The following EXOC7 variants were observed in gnomAD, a reference collection of about 807,000 sequenced individuals.
EXOC7 encodes exocyst complex component 7.
A neutral mutation model predicts 87.6 loss-of-function variants in EXOC7; 51 were observed. The observed-to-expected ratio is 0.58, with a 90% CI of 0.46 to 0.73. EXOC7 has a LOEUF of 0.73. Among genes scored for constraint, EXOC7 ranks in the 30% least tolerant of loss-of-function variants. The pLI is 0.00. For synonymous variants in EXOC7, 327 were observed against 357.1 expected, an observed-to-expected ratio of 0.92 and a Z score of 0.95; for missense variants, 744 against 888.4, an observed-to-expected ratio of 0.84 and a Z score of 2.07.
Position 76,082,109 on chromosome 17 carries a change from G to A in EXOC7, c.*1539C>T. ...AGGTGCACACCTAGGGCTGGGGTGA[G>A]GGCACGGAGGTCCAGGTGTGGGTAG... is the stretch of plus-strand genomic sequence containing the variant. On this transcript the variant is annotated 3_prime_UTR_variant, in exon 19 of 19. Coordinates refer to ENST00000589210, the MANE Select transcript of EXOC7 (RefSeq NM_001013839.4). 6.6e-7 allele frequency: 1 copy of A among 1,520,906 alleles called. No homozygotes were observed. Among genetic ancestry groups the A allele is most frequent in the South Asian group, 1.2e-5 (1 of 80,254 alleles). The allele number at this position is 1,520,906 out of a possible 1,614,324, so 94.2% of individuals were successfully genotyped here.
Position 76,083,670 on chromosome 17 carries a change from C to T in EXOC7, c.2033G>A (p.Arg678His), listed in dbSNP as rs528551097. 3.7e-6 allele frequency: 6 copies of T among 1,613,860 alleles called. No individual in the cohort carries two copies. The African/African-American group carries it at 6.7e-5, about 18-fold the overall frequency. ...GVEQVGDMIDRLFDTSA is the reference protein window; with the variant it reads ...GVEQVGDMIDHLFDTSA ...GGCTCAGGCAGAGGTGTCGAAAAGGCGATCGATCATGTCGCCCACCTGCTC... is the reference window on the plus strand; with the variant it reads ...GGCTCAGGCAGAGGTGTCGAAAAGGTGATCGATCATGTCGCCCACCTGCTC... The change falls in exon 19 of 19, where the codon CGC becomes CAC. Residue 678 changes from arginine (R) to histidine (H), a missense_variant. By Grantham distance (29) the Arg-to-His change is conservative (BLOSUM62 0). Around this residue, in one of 3 missense-constraint regions of EXOC7, gnomAD observed 228 missense variants for 298.6 expected, o/e 0.76. Coordinates refer to ENST00000589210, the MANE Select transcript of EXOC7 (RefSeq NM_001013839.4).
intron 12 of EXOC7, chr17:76,086,798 C>T (rs2067232316): frequency 1.3e-6 from 2 of 1,507,842 alleles, no homozygotes; most frequent in Admixed American, 2.0e-5. Flanking sequence ...CCCCAGGGAA[C>T]CTCACCCACC....
intron 7 of EXOC7, 108 bp from the exon 8 acceptor site, chr17:76,089,428 G>A: frequency 7.2e-7 from 1 of 1,380,148 alleles, no homozygotes; most frequent in Non-Finnish European, 1.0e-6. Flanking sequence ...ACTGGCAGAG[G>A]ATGGGGAAGA....
Position 76,081,279 on chromosome 17 carries a change from G to A in EXOC7, c.*2369C>T, listed in dbSNP as rs755903885. 48 of 1,613,604 alleles carry A rather than the reference G, an allele frequency of 3.0e-5. No individual in the cohort carries two copies. In the South Asian group the frequency reaches 4.1e-4, roughly 14 times the overall value. Reference sequence around the variant, plus strand: ...ATAGTTCTCATTCCCACCCCTCAGCGATGGAGTTAGAGTTCCAGGCCCACG... The same window carrying A: ...ATAGTTCTCATTCCCACCCCTCAGCAATGGAGTTAGAGTTCCAGGCCCACG... On this transcript the variant is annotated 3_prime_UTR_variant, in exon 19 of 19. Transcript: ENST00000589210.
chr17:76,083,794 C>G, intron 18 of EXOC7, 44 bp from the exon 19 acceptor site: 1 of 1,584,684 alleles, frequency 6.3e-7, no homozygotes, highest in Non-Finnish European at 8.7e-7. Flanking sequence ...GCCGACCCCT[C>G]CCCAGCTCCA....
chr17:76,088,246 G>T, intron 10 of EXOC7, 124 bp from the exon 11 acceptor site: 1 of 1,117,550 alleles, frequency 8.9e-7, no homozygotes, highest in Non-Finnish European at 1.3e-6. Flanking sequence ...CACAAAGGCT[G>T]AGCCAGGCTG....
intron 6 of EXOC7, among the ~76,000 whole-genome samples, chr17:76,092,036 A>G (rs553722562): frequency 1.3e-5 from 2 of 152,168 alleles, no homozygotes; most frequent in Non-Finnish European, 2.9e-5. Context: ...CTTTGTGGGA[A>G]TGAGACATCT....
Position 76,091,201 on chromosome 17 carries a change from C to T in EXOC7, c.843G>A (p.Gln281=). 1 of 1,614,140 alleles carries T rather than the reference C, an allele frequency of 6.2e-7. No individual in the cohort carries two copies. Among genetic ancestry groups the T allele is most frequent in the South Asian group, 1.1e-5 (1 of 91,086 alleles). The change falls in exon 7 of 19, where the codon CAG becomes CAA. Residue 281 remains glutamine (Q), a synonymous_variant. Transcript: ENST00000589210. The part of the protein sequence containing the change: ...TIRKAQNLLK[Q]YSQHGLDGKK... ...TCCCATCTAGACCATGCTGGGAATA[C>T]TGTTTCAGAAGGTTCTGAGCCTTAC...
intron 4 of EXOC7, 61 bp from the exon 5 acceptor site, chr17:76,098,079 T>C (rs2067866820): frequency 7.0e-7 from 1 of 1,436,748 alleles, no homozygotes; most frequent in Non-Finnish European, 9.8e-7. Context: ...AGTCCTGGCC[T>C]TCCCCTGCCT....
At position 76,101,782 on chromosome 17, in the gene EXOC7, G is replaced by A; in HGVS notation, c.208C>T (p.Leu70=). ...TCAACATTCTCCTGCAGCCGCTGCA[G>A]ATTCTCCGTCTGCTTGTGCACAGGG... The part of the protein sequence containing the change: ...IIPVHKQTEN[L]QRLQENVEKT... The change falls in exon 3 of 19, where the codon CTG becomes TTG. Residue 70 remains leucine (L), a synonymous_variant. Coordinates refer to ENST00000589210, the MANE Select transcript of EXOC7 (RefSeq NM_001013839.4). The A allele has an allele frequency of 6.2e-7, 1 of 1,614,122 alleles. No individual in the cohort carries two copies. Among genetic ancestry groups the A allele is most frequent in the Non-Finnish European group, 8.5e-7 (1 of 1,180,028 alleles).
chr17:76,103,546 C>T lies in EXOC7; in HGVS notation c.60+87G>A, dbSNP rs1319793156. The T allele has an allele frequency of 7.6e-6, 12 of 1,583,760 alleles. No homozygotes were observed. The African/African-American group carries it at 1.3e-4, about 18-fold the overall frequency. Reference sequence around the variant, plus strand: ...CTCGCTGGGTGCGCTCCCTCCCACCCCTGCCTCCTCCATGAGTAGACAATC... The same window carrying T: ...CTCGCTGGGTGCGCTCCCTCCCACCTCTGCCTCCTCCATGAGTAGACAATC... On this transcript the variant is annotated intron_variant, in intron 1 of 18. Coordinates refer to ENST00000589210, the MANE Select transcript of EXOC7 (RefSeq NM_001013839.4).
chr17:76,092,300 T>TTG (rs1356028621), intron 6 of EXOC7: 1 of 147,820 alleles, frequency 6.8e-6, no homozygotes, highest in African/African-American at 2.5e-5. Context: ...TGTTTTTTTT[T>TTG]TTTTTTTTTT....
intron 12 of EXOC7, chr17:76,086,878 A>AT: frequency 6.4e-7 from 1 of 1,551,388 alleles, no homozygotes. Flanking sequence ...GGAATATTGT[A>AT]TGTGTCCCCA....
At chr17:76,100,116 A>C (rs576302834) in intron 4 of EXOC7, among the ~76,000 whole-genome samples, 1 of 147,002 alleles carries the variant, frequency 6.8e-6, no homozygotes, top group South Asian at 2.1e-4. Context: ...ATAATAATGC[A>C]AAAAAAAAAA....
intron 4 of EXOC7, 71 bp downstream of exon 4, chr17:76,101,200 C>T: frequency 6.2e-7 from 1 of 1,613,406 alleles, no homozygotes; most frequent in Non-Finnish European, 8.5e-7. Flanking sequence ...AAGCTGGCTC[C>T]ATGTCCCTCA....
rs2067070633 is a variant in EXOC7, at chr17:76,083,526, C to T, written c.*122G>A. ...GGCTCAGGGACACAGCTCCCGGAGG[C>T]GTGGAGACAGGTCTCTGTCCCAGAG... On this transcript the variant is annotated 3_prime_UTR_variant, in exon 19 of 19. Coordinates refer to ENST00000589210, the MANE Select transcript of EXOC7 (RefSeq NM_001013839.4). 12 of 911,372 alleles carry T rather than the reference C, an allele frequency of 1.3e-5. No homozygotes were observed. Among genetic ancestry groups the T allele is most frequent in the Middle Eastern group, 2.3e-4 (1 of 4,386 alleles). 56.5% of individuals were successfully genotyped at this position (911,372 alleles called of 1,614,324 possible). A position where few individuals can be genotyped will look rare whatever the true frequency, so the allele number is the denominator to read the frequency against.
Position 76,084,229 on chromosome 17 carries a change from G to C in EXOC7, c.1818+19C>G, listed in dbSNP as rs2067105052. 6.2e-7 allele frequency: 1 copy of C among 1,610,022 alleles called. No homozygotes were observed. The highest frequency in any genetic ancestry group is 1.1e-5 in the South Asian group (1 of 90,940). On this transcript the variant is annotated intron_variant, in intron 17 of 18. Transcript: ENST00000589210. ...CAACAGCAGCAGCAAGCAGTGGAGG[G>C]GAGAGGACCCCGACTCACCTTAAAA...
chr17:76,089,029 G>A lies in EXOC7; in HGVS notation c.1048-106C>T, dbSNP rs962169305. On this transcript the variant is annotated intron_variant, in intron 8 of 18. Transcript: ENST00000589210. ...GTAGGGGGGCCAGTGTGCAGGAAGA[G>A]GGGTGACGGGGAGGTGGTGAGCGTC... 9 of 1,465,008 alleles carry A rather than the reference G, an allele frequency of 6.1e-6. No individual in the cohort carries two copies. In the Middle Eastern group the frequency reaches 7.5e-4, roughly 122 times the overall value. 90.8% of individuals were successfully genotyped at this position (1,465,008 alleles called of 1,614,324 possible). A position where few individuals can be genotyped will look rare whatever the true frequency, so the allele number is the denominator to read the frequency against.
chr17:76,086,812 C>T, intron 12 of EXOC7: 1 of 1,542,624 alleles, frequency 6.5e-7, no homozygotes, highest in East Asian at 2.4e-5. Context: ...ACCCACCAAG[C>T]TTCAGAGGGA....
Sources: gnomAD v4.1 joint callset for allele counts (sites outside exome capture counted in the v4.1 genomes callset) on GRCh38, gnomAD v4.1.1 for gene constraint, gnomAD v4.1.1 regional missense constraint, MANE v1.5 for transcripts, NCBI Gene and HGNC (gene_info 2026-07-23, HGNC 2026-07-21) for gene names.